GREB1L: variants seen among roughly 807,000 people sequenced by gnomAD.
GREB1L encodes GREB1-like protein.
A neutral mutation model predicts 200.8 loss-of-function variants in GREB1L; 17 were observed. The ratio of observed to expected loss-of-function variants is 0.08; its 90% CI spans 0.06 to 0.13. The LOEUF (loss-of-function observed/expected upper bound fraction) is 0.13. GREB1L is among the 10% of genes least tolerant of loss of function. The probability of loss-of-function intolerance (pLI) is 1.00; values close to 1 mark genes in which losing one functional copy is unlikely to be tolerated. For missense variants in GREB1L, 1,657 were observed against 2,367.7 expected (o/e 0.70, Z 6.23); for synonymous variants, 789 against 893.0 (o/e 0.88, Z 2.08).
intron 7 of GREB1L, among the ~76,000 whole-genome samples, chr18:21,432,214 T>A (rs997491781): frequency 2.6e-5 from 4 of 152,122 alleles, no homozygotes; most frequent in Admixed American, 2.6e-4. Flanking sequence ...TGAGCCACCG[T>A]GCCCGGCCTA....
chr18:21,243,251 TG>T (rs1002011755), intron 1 of GREB1L, among the ~76,000 whole-genome samples: 4 of 152,258 alleles, frequency 2.6e-5, no homozygotes, highest in Non-Finnish European at 5.9e-5. Context: ...ATTCAGTGCG[TG>T]GGGTTTCTCA....
chr18:21,516,488 T>G, intron 29 of GREB1L, 125 bp from the exon 30 acceptor site: 1 of 925,682 alleles, frequency 1.1e-6, no homozygotes, highest in Non-Finnish European at 1.6e-6. Context: ...GAGGGCCAGC[T>G]CCACAAAAGC....
intron 1 of GREB1L, among the ~76,000 whole-genome samples, chr18:21,298,098 A>G (rs2038559098): frequency 6.6e-6 from 1 of 152,180 alleles, no homozygotes; most frequent in Non-Finnish European, 1.5e-5. Context: ...AAGGGAACCC[A>G]CACATTACAG....
intron 1 of GREB1L, among the ~76,000 whole-genome samples, chr18:21,266,016 T>TGTATCA (rs563995656): frequency 3.3e-5 from 5 of 152,170 alleles, no homozygotes; most frequent in Non-Finnish European, 7.3e-5. Flanking sequence ...GTATTAAAAA[T>TGTATCA]GTATCAGGAG....
chr18:21,504,144 G>A (rs1357720543), intron 23 of GREB1L, among the ~76,000 whole-genome samples: 5 of 151,984 alleles, frequency 3.3e-5, no homozygotes, highest in African/African-American at 1.2e-4. Context: ...GGCTGGTCTC[G>A]AATTCCTGAC....
At chr18:21,466,747 A>T (rs2035276626) in intron 15 of GREB1L, among the ~76,000 whole-genome samples, 1 of 152,198 alleles carries the variant, frequency 6.6e-6, no homozygotes, top group South Asian at 2.1e-4. Context: ...AGAGATTTAC[A>T]AGCTGATCCT....
chr18:21,468,766 C>T (rs747178743), intron 15 of GREB1L: 34 of 456,508 alleles, frequency 7.4e-5, no homozygotes. Context: ...GTTATGTCCT[C>T]TTCATCTCCT....
chr18:21,465,614 C>T (rs2035234149), intron 15 of GREB1L, among the ~76,000 whole-genome samples: 1 of 152,120 alleles, frequency 6.6e-6, no homozygotes, highest in Non-Finnish European at 1.5e-5. Context: ...TGACACTAGT[C>T]TTTCCATTTC....
At chr18:21,318,816 A>T (rs1198225643) in intron 1 of GREB1L, among the ~76,000 whole-genome samples, 2 of 146,930 alleles carry the variant, frequency 1.4e-5, no homozygotes, top group African/African-American at 2.7e-5. Flanking sequence ...ACTGACCAAG[A>T]AGAGCTGGGA....
At chr18:21,441,864 G>C (rs1186359969) in intron 10 of GREB1L, among the ~76,000 whole-genome samples, 2 of 152,178 alleles carry the variant, frequency 1.3e-5, no homozygotes, top group East Asian at 3.9e-4. Flanking sequence ...TCACAACCAG[G>C]AGCAACCAGA....
At chr18:21,518,433 G>T (rs1015172758) in intron 31 of GREB1L, among the ~76,000 whole-genome samples, 199 bp downstream of exon 31, 5 of 152,078 alleles carry the variant, frequency 3.3e-5, no homozygotes, top group Admixed American at 2.0e-4. Flanking sequence ...CTTATGCAAA[G>T]GTTCACACAA....
At position 21,473,220 on chromosome 18, in the gene GREB1L, T is replaced by C. The variant is rs1014043582; in HGVS notation, c.2363+9T>C. The C allele has an allele frequency of 2.1e-5, 31 of 1,482,670 alleles. No individual in the cohort carries two copies. The South Asian group carries it at 3.9e-4, about 19-fold the overall frequency. 91.8% of individuals were successfully genotyped at this position (1,482,670 alleles called of 1,614,324 possible). On this transcript the variant is annotated intron_variant, in intron 16 of 32. Coordinates refer to ENST00000424526, the MANE Select transcript of GREB1L (RefSeq NM_001142966.3). ...CATGTGGAACTAACGAGGTGATTGGTTCAGAGTGAGCAAATGGAGTCTCCC... is the reference window on the plus strand; with the variant it reads ...CATGTGGAACTAACGAGGTGATTGGCTCAGAGTGAGCAAATGGAGTCTCCC...
chr18:21,345,289 A>T (rs1353411353), intron 1 of GREB1L, among the ~76,000 whole-genome samples: 6 of 152,210 alleles, frequency 3.9e-5, no homozygotes, highest in African/African-American at 1.4e-4. Context: ...GGTTCCCTGA[A>T]TCAGAAAAGG....
At chr18:21,508,026 C>A in intron 25 of GREB1L, 92 bp from the exon 26 acceptor site, 1 of 1,229,384 alleles carries the variant, frequency 8.1e-7, no homozygotes, top group Non-Finnish European at 1.1e-6. Context: ...ATGTTAGTTT[C>A]CATCTCTTAA....
intron 19 of GREB1L, among the ~76,000 whole-genome samples, chr18:21,494,048 G>GATC (rs1300802183): frequency 6.6e-6 from 1 of 152,032 alleles, no homozygotes; most frequent in East Asian, 1.9e-4. Flanking sequence ...CAGTGTGAAT[G>GATC]TGATCAGTAA....
intron 27 of GREB1L, among the ~76,000 whole-genome samples, chr18:21,510,205 A>G (rs2037182740): frequency 1.3e-5 from 2 of 150,714 alleles, no homozygotes; most frequent in Non-Finnish European, 3.0e-5. Context: ...CAACAGTGAA[A>G]CTGTCTCCAA....
chr18:21,287,381 A>G (rs1567922686), intron 1 of GREB1L, among the ~76,000 whole-genome samples: 1 of 152,162 alleles, frequency 6.6e-6, no homozygotes, highest in Non-Finnish European at 1.5e-5. Flanking sequence ...GTTCATTGCC[A>G]TTTGAGATAT....
rs1598629784 is a variant in GREB1L at position 21,285,211 on chromosome 18, A to G, written c.-120+42818A>G. Among the ~76,000 whole-genome samples the G allele has an allele frequency of 2.0e-5, 3 of 151,654 alleles. No individual in the cohort carries two copies. In the East Asian group the frequency reaches 5.8e-4, roughly 29 times the overall value. On this transcript the variant is annotated intron_variant, in intron 1 of 32. Transcript: ENST00000424526. Reference sequence around the variant, plus strand: ...TTCTGTTCATTTTCTTGATGTATGTATACTTTGAAGCACAAAAGTTTTTAA... The same window carrying G: ...TTCTGTTCATTTTCTTGATGTATGTGTACTTTGAAGCACAAAAGTTTTTAA...
At chr18:21,253,238 A>G (rs2037741703) in intron 1 of GREB1L, among the ~76,000 whole-genome samples, 2 of 149,064 alleles carry the variant, frequency 1.3e-5, no homozygotes, top group East Asian at 3.9e-4. Context: ...TAGAGAAAAC[A>G]TATTTCAAGA....
Sources: gnomAD v4.1 joint callset for allele counts (sites outside exome capture counted in the v4.1 genomes callset) on GRCh38, gnomAD v4.1.1 for gene constraint, MANE v1.5 for transcripts, NCBI Gene and HGNC (gene_info 2026-07-23, HGNC 2026-07-21) for gene names.